The following KCNK10 variants were observed in gnomAD, a reference collection of about 807,000 sequenced individuals.
The protein encoded by KCNK10 is potassium channel subfamily K member 10.
A neutral mutation model predicts 47.7 loss-of-function variants in KCNK10; 25 were observed. That is an observed-to-expected ratio of 0.52 (90% confidence interval 0.38 to 0.73). KCNK10 has a LOEUF of 0.73. Ranked by LOEUF, KCNK10 falls within the 30% of genes least tolerant of loss-of-function variation. KCNK10 has a pLI of 0.00. For missense variants in KCNK10, 563 were observed against 714.5 expected (o/e 0.79, Z 2.42); for synonymous variants, 303 against 285.6 (o/e 1.06, Z -0.61).
At chr14:88,204,735 T>G (rs1025090068) in intron 4 of KCNK10, among the ~76,000 whole-genome samples, 6 of 152,112 alleles carry the variant, frequency 3.9e-5, no homozygotes, top group African/African-American at 1.2e-4. Context: ...CAAGATTTGA[T>G]TTTTTTAGAA....
intron 3 of KCNK10, 46 bp from the exon 4 acceptor site, chr14:88,227,581 A>C (rs761506612): frequency 6.5e-7 from 1 of 1,530,258 alleles, no homozygotes; most frequent in East Asian, 2.3e-5. Context: ...AGAAATTAGC[A>C]TACTGACCAA....
Position 88,185,748 on chromosome 14 carries a change from G to A in KCNK10, c.1419C>T (p.Asp473=), listed in dbSNP as rs368641869. 3.5e-5 allele frequency: 56 copies of A among 1,613,998 alleles called. No individual in the cohort carries two copies. Among genetic ancestry groups the A allele is most frequent in the African/African-American group, 1.5e-4 (11 of 74,904 alleles). ...NKDLKKTLPE[D]VQKIYKTFRN... The stretch of plus-strand genomic sequence containing the variant: ...GGAAGGTCTTGTAGATTTTCTGAAC[G>A]TCCTCGGGCAAGGTCTTTTTGAGGT... Residue 473 remains aspartate, a synonymous_variant, in exon 7 of 7, where the codon GAC becomes GAT. Transcript: ENST00000319231. The surrounding 1 kb of genome is among the most constrained non-coding windows in gnomAD (Gnocchi z 4.3).
upstream of KCNK10, chr14:88,323,709 C>G (rs1346224088): frequency 2.0e-5 from 3 of 152,016 alleles, no homozygotes; most frequent in Admixed American, 6.5e-5. Context: ...GAGTTGCAGC[C>G]GGAGACACGC....
chr14:88,276,516 T>G (rs1159655940), intron 1 of KCNK10, among the ~76,000 whole-genome samples: 4 of 152,152 alleles, frequency 2.6e-5, no homozygotes, highest in Non-Finnish European at 4.4e-5. Context: ...GCTACCCTCA[T>G]CGCTCCCACA....
At chr14:88,269,674 C>T (rs1036107444) in intron 1 of KCNK10, among the ~76,000 whole-genome samples, 8 of 152,100 alleles carry the variant, frequency 5.3e-5, no homozygotes, top group Admixed American at 1.3e-4. Context: ...TGTCCTCAAG[C>T]GACCTGCCAG....
chr14:88,274,568 A>AAAAAAAAAAAAAAAATT (rs1887486811), intron 1 of KCNK10, among the ~76,000 whole-genome samples: 1 of 150,400 alleles, frequency 6.6e-6, no homozygotes, highest in Non-Finnish European at 1.5e-5. Context: ...AAAAAAAAAG[A>AAAAAAAAAAAAAAAATT]TCTTATGGCT....
chr14:88,188,034 T>TA lies in KCNK10; in HGVS notation c.943dup (p.Tyr315LeufsTer26). 3 of 1,614,148 alleles carry TA rather than the reference T, an allele frequency of 1.9e-6. No homozygotes were observed. Among genetic ancestry groups the TA allele is most frequent in the Non-Finnish European group, 2.5e-6 (3 of 1,180,020 alleles). On this transcript the variant is annotated frameshift_variant, in exon 6 of 7. Transcript: ENST00000319231. LOFTEE classifies it high-confidence loss of function. ...GATCATACTGAGGACAGCTGCAAAG[T>TA]AGGCAAGGCCAACAAGGATCCAAAA... is the stretch of plus-strand genomic sequence containing the variant.
chr14:88,205,546 T>TC lies in KCNK10; in HGVS notation c.682-13137_682-13136insG, dbSNP rs1446664051. 1.9e-4 allele frequency among the ~76,000 whole-genome samples: 26 copies of TC among 139,066 alleles called. No homozygotes were observed. In the East Asian group the frequency reaches 4.6e-3, roughly 24 times the overall value. The allele number at this position is 139,066 out of a possible 152,430, so 91.2% of individuals were successfully genotyped here. On this transcript the variant is annotated intron_variant, in intron 4 of 6. Transcript: ENST00000319231. ...ATTTTTCTTTTCTTTTCTTTTCTTT[T>TC]TTTTTTTTTTTTTTTTGAGATGGAG... is the stretch of plus-strand genomic sequence containing the variant.
chr14:88,204,700 C>T (rs555964222), intron 4 of KCNK10, among the ~76,000 whole-genome samples: 2 of 152,134 alleles, frequency 1.3e-5, no homozygotes, highest in Middle Eastern at 3.4e-3. Flanking sequence ...CAATACTGCT[C>T]CATTTTATAC....
chr14:88,215,941 C>T lies in KCNK10; in HGVS notation c.681+11434G>A, dbSNP rs574747617. Among the ~76,000 whole-genome samples the T allele has an allele frequency of 2.6e-5, 4 of 152,248 alleles. No individual in the cohort carries two copies. The South Asian group carries it at 8.3e-4, about 32-fold the overall frequency. On this transcript the variant is annotated intron_variant, in intron 4 of 6. Coordinates refer to ENST00000319231, the MANE Select transcript of KCNK10 (RefSeq NM_138317.3). ...GTTCTATAATGACCTCAGAAGACAA[C>T]AGGAAACACCAAAGGGATACTGGCC...
intron 2 of KCNK10, among the ~76,000 whole-genome samples, chr14:88,262,630 A>G (rs754066246): frequency 5.9e-5 from 9 of 152,184 alleles, no homozygotes; most frequent in Non-Finnish European, 1.2e-4. Context: ...AGGCCTTAGT[A>G]CAGTGCCTGA....
chr14:88,324,037 C>T (rs985411369), upstream of KCNK10, among the ~76,000 whole-genome samples: 1 of 152,210 alleles, frequency 6.6e-6, no homozygotes, highest in Non-Finnish European at 1.5e-5. Context: ...CTACCTGCAG[C>T]CGGACTGGGG....
intron 1 of KCNK10, among the ~76,000 whole-genome samples, chr14:88,269,096 C>T (rs1887343514): frequency 6.6e-6 from 1 of 152,212 alleles, no homozygotes; most frequent in South Asian, 2.1e-4. Flanking sequence ...CGAGATCGTG[C>T]CATTGCACTC....
At chr14:88,276,188 G>A (rs546173991) in intron 1 of KCNK10, among the ~76,000 whole-genome samples, 7 of 152,028 alleles carry the variant, frequency 4.6e-5, no homozygotes, top group Non-Finnish European at 1.0e-4. Flanking sequence ...GGGATTAGGA[G>A]GTGGGGGCTT....
chr14:88,322,736 G>C lies in KCNK10; in HGVS notation c.52+11C>G. On this transcript the variant is annotated intron_variant, in intron 1 of 6. Transcript: ENST00000319231. This position sits in a 1 kb window ranked among gnomAD's most constrained non-coding sequence, Gnocchi z 4.8. ...GCAGGGCGAGGGCAGCCAAAAGTAG[G>C]AAACACCCACCTTTAGGATCCCAGT... 6.2e-7 allele frequency: 1 copy of C among 1,614,064 alleles called. No individual in the cohort carries two copies. Among genetic ancestry groups the C allele is most frequent in the Non-Finnish European group, 8.5e-7 (1 of 1,180,006 alleles).
rs1887168838 is a variant in KCNK10 at position 88,263,416 on chromosome 14, G to A, written c.188C>T (p.Thr63Ile). 1.9e-6 allele frequency: 3 copies of A among 1,614,126 alleles called. No homozygotes were observed. The highest frequency in any genetic ancestry group is 1.6e-4 in the Middle Eastern group (1 of 6,062). Residue 63 changes from threonine to isoleucine, a missense_variant, in exon 2 of 7, where the codon ACC becomes ATC. Physicochemically the swap from Thr to Ile is moderately conservative, Grantham distance 89 (BLOSUM62 -1). Transcript: ENST00000319231. ...GACGGTCTGCAAGCCCCCTTGGGAG[G>A]TGCCTTCCATCCTGGCTACCACTGT... ...RATVVARMEG[T>I]SQGGLQTVMK...
At chr14:88,265,712 G>A (rs565438262) in intron 1 of KCNK10, among the ~76,000 whole-genome samples, 11 of 152,280 alleles carry the variant, frequency 7.2e-5, no homozygotes, top group African/African-American at 2.6e-4. Flanking sequence ...TTGGGGGAGT[G>A]ACCCCGTGGG....
intron 1 of KCNK10, among the ~76,000 whole-genome samples, chr14:88,293,167 C>T (rs1033548011): frequency 7.2e-5 from 11 of 152,120 alleles, no homozygotes; most frequent in Admixed American, 3.3e-4. Context: ...AGAAGGCCCG[C>T]CAATTTAATA....
At chr14:88,309,171 T>A (rs1220873538) in intron 1 of KCNK10, among the ~76,000 whole-genome samples, 1 of 152,236 alleles carries the variant, frequency 6.6e-6, no homozygotes. Flanking sequence ...TTCAAGAGGC[T>A]GAATATACAC....
Sources: gnomAD v4.1 joint callset for allele counts (sites outside exome capture counted in the v4.1 genomes callset) on GRCh38, gnomAD v4.1.1 for gene constraint, Gnocchi (gnomAD v3.1) non-coding constraint, MANE v1.5 for transcripts, NCBI Gene and HGNC (gene_info 2026-07-23, HGNC 2026-07-21) for gene names.